PCDHGA3: variants seen among roughly 807,000 people sequenced by gnomAD.
PCDHGA3 encodes protocadherin gamma subfamily A, 3.
Under a neutral mutation model 58.5 loss-of-function variants are expected in PCDHGA3, and 40 were observed. That is an observed-to-expected ratio of 0.68 (90% CI 0.53 to 0.89). The LOEUF (loss-of-function observed/expected upper bound fraction) is 0.89, where lower values mean the gene tolerates loss of function less well. Ranked by LOEUF, PCDHGA3 falls within the 40% of genes least tolerant of loss-of-function variation. PCDHGA3 has a pLI of 0.00. For missense variants in PCDHGA3, 1,223 were observed against 1,195.9 expected, an observed-to-expected ratio of 1.02 and a Z score of -0.33; for synonymous variants, 530 against 525.7, an observed-to-expected ratio of 1.01 and a Z score of -0.11.
At chr5:141,408,615 T>A in intron 1 of PCDHGA3, 1 of 1,613,940 alleles carries the variant, frequency 6.2e-7, no homozygotes, top group Non-Finnish European at 8.5e-7. Flanking sequence ...AAAAAGGAAA[T>A]ACATTTAGAA....
chr5:141,399,569 G>A (rs1192197329), intron 1 of PCDHGA3: 1 of 1,613,888 alleles, frequency 6.2e-7, no homozygotes, highest in Non-Finnish European at 8.5e-7. Context: ...GGGTTGAACG[G>A]CCAAGTCTCC....
intron 1 of PCDHGA3, chr5:141,389,893 T>C (rs764580902): frequency 2.9e-5 from 46 of 1,613,976 alleles, no homozygotes; most frequent in Non-Finnish European, 3.6e-5. Context: ...CAGGAGGTGC[T>C]GCCGGATATC....
intron 1 of PCDHGA3, chr5:141,399,433 C>T (rs1485508239): frequency 1.9e-6 from 3 of 1,613,892 alleles, no homozygotes; most frequent in Non-Finnish European, 2.5e-6. Flanking sequence ...AAGCGTCATC[C>T]TACATATCAG....
chr5:141,393,304 T>A, intron 1 of PCDHGA3: 1 of 1,613,798 alleles, frequency 6.2e-7, no homozygotes, highest in African/African-American at 1.3e-5. Flanking sequence ...GATGTGGGCG[T>A]GAACTCCCTC....
intron 1 of PCDHGA3, chr5:141,399,057 A>C (rs747872462): frequency 6.2e-7 from 1 of 1,613,840 alleles, no homozygotes; most frequent in Admixed American, 1.7e-5. Context: ...AGACCAAGGA[A>C]TATTCAATGG....
At chr5:141,408,889 A>T in intron 1 of PCDHGA3, 3 of 1,613,232 alleles carry the variant, frequency 1.9e-6, no homozygotes, top group Non-Finnish European at 2.5e-6. Flanking sequence ...CTCACATAGA[A>T]ATTTCTGTCA....
At chr5:141,369,226 G>A (rs1028209484) in intron 1 of PCDHGA3, among the ~76,000 whole-genome samples, 2 of 152,058 alleles carry the variant, frequency 1.3e-5, no homozygotes, top group African/African-American at 4.8e-5. Context: ...AAAGTGGACA[G>A]GAAGATTACT....
chr5:141,438,037 G>A (rs2097925203), intron 1 of PCDHGA3, among the ~76,000 whole-genome samples: 1 of 151,910 alleles, frequency 6.6e-6, no homozygotes, highest in African/African-American at 2.4e-5. Flanking sequence ...CACCATGCCC[G>A]ACCACTTTGA....
chr5:141,398,026 C>G, intron 1 of PCDHGA3: 2 of 1,446,724 alleles, frequency 1.4e-6, no homozygotes, highest in Admixed American at 2.6e-5. Context: ...TAAACTGGAA[C>G]TGGAACTAAA....
chr5:141,372,439 C>G, intron 1 of PCDHGA3: 2 of 1,614,068 alleles, frequency 1.2e-6, no homozygotes, highest in Non-Finnish European at 1.7e-6. Context: ...CCCACTCCCT[C>G]TGACCCTCAG....
At chr5:141,409,618 G>T (rs374484255) in intron 1 of PCDHGA3, 77 of 1,613,776 alleles carry the variant, frequency 4.8e-5, no homozygotes, top group Non-Finnish European at 6.3e-5. Context: ...CCTCCATTGC[G>T]CAAGTGAGCG....
chr5:141,389,301 A>G (rs2091692161), intron 1 of PCDHGA3: 3 of 1,614,010 alleles, frequency 1.9e-6, no homozygotes, highest in Non-Finnish European at 2.5e-6. Flanking sequence ...TTCACAAGTC[A>G]GGGCTTCTGA....
intron 1 of PCDHGA3, chr5:141,399,756 C>G: frequency 6.2e-7 from 1 of 1,613,346 alleles, no homozygotes; most frequent in Non-Finnish European, 8.5e-7. Flanking sequence ...CAAACGTGAG[C>G]CTGCGCGTGT....
chr5:141,363,884 G>A (rs1235623688), intron 1 of PCDHGA3, among the ~76,000 whole-genome samples: 1 of 152,096 alleles, frequency 6.6e-6, no homozygotes, highest in Admixed American at 6.5e-5. Flanking sequence ...AAGGACATAG[G>A]CTCCCCCGAT....
Position 141,477,161 on chromosome 5 carries a change from G to A in PCDHGA3, c.2425-17646G>A, listed in dbSNP as rs761453939. On this transcript the variant is annotated intron_variant, in intron 1 of 3. Transcript: ENST00000253812. The surrounding 1 kb of genome is among the most constrained non-coding windows in gnomAD (Gnocchi z 4.9). ...GGAGGTTGTGGATGTGAATGACAAC[G>A]CCCCGGAGATCACAGTCACCTCCGT... 1.9e-6 allele frequency: 3 copies of A among 1,613,988 alleles called. No individual in the cohort carries two copies. The highest frequency in any genetic ancestry group is 2.7e-5 in the African/African-American group (2 of 74,904).
chr5:141,376,452 C>T (rs1186920662), intron 1 of PCDHGA3: 2 of 1,614,094 alleles, frequency 1.2e-6, no homozygotes, highest in Non-Finnish European at 1.7e-6. Flanking sequence ...AAAAGCGAGC[C>T]TCTTCTGATA....
chr5:141,389,704 TG>T (rs1341184136), intron 1 of PCDHGA3: 5 of 1,612,632 alleles, frequency 3.1e-6, no homozygotes, highest in Admixed American at 3.3e-5. Context: ...TACCACGTGC[TG>T]CAGGCTAGCG....
rs757158343 is a variant in PCDHGA3, at chr5:141,346,466, A to G, written c.2424+9A>G. The G allele has an allele frequency of 5.0e-6, 8 of 1,613,876 alleles. No individual in the cohort carries two copies. In the Admixed American group the frequency reaches 1.3e-4, roughly 27 times the overall value. On this transcript the variant is annotated intron_variant, in intron 1 of 3. Transcript: ENST00000253812. ...ATTCCAACCTACTTCAGGTGAGTTTATTTATTTCTTTGATTATTAAGAACA... is the reference window on the plus strand; with the variant it reads ...ATTCCAACCTACTTCAGGTGAGTTTGTTTATTTCTTTGATTATTAAGAACA...
chr5:141,485,116 G>T lies in PCDHGA3; in HGVS notation c.2425-9691G>T, dbSNP rs904145668. ...TGTCTCCAGCTGCTGTGGCTGTTTGGGGCGGGTCGGCTTCATCCGCGTCTC... is the reference window on the plus strand; with the variant it reads ...TGTCTCCAGCTGCTGTGGCTGTTTGTGGCGGGTCGGCTTCATCCGCGTCTC... On this transcript the variant is annotated intron_variant, in intron 1 of 3. Coordinates refer to ENST00000253812, the MANE Select transcript of PCDHGA3 (RefSeq NM_018916.4). This position sits in a 1 kb window ranked among gnomAD's most constrained non-coding sequence, Gnocchi z 5.7. 3.0e-6 allele frequency: 4 copies of T among 1,312,058 alleles called. No homozygotes were observed. The African/African-American group carries it at 5.8e-5, about 19-fold the overall frequency. 81.3% of individuals were successfully genotyped at this position (1,312,058 alleles called of 1,614,324 possible).
Sources: allele counts gnomAD v4.1 joint callset (sites outside exome capture counted in the v4.1 genomes callset), GRCh38; gene constraint gnomAD v4.1.1; non-coding constraint Gnocchi (gnomAD v3.1); transcripts MANE v1.5; gene names NCBI Gene and HGNC (gene_info 2026-07-23, HGNC 2026-07-21).